The following R3HDM2 variants were observed in gnomAD, a reference collection of about 807,000 sequenced individuals.
R3HDM2 encodes the protein R3H domain-containing protein 2.
A neutral mutation model predicts 124.5 loss-of-function variants in R3HDM2; 38 were observed. The observed-to-expected ratio is 0.31, with a 90% CI of 0.24 to 0.40. R3HDM2 has a LOEUF of 0.40. Among genes scored for constraint, R3HDM2 ranks in the 10% least tolerant of loss-of-function variants. The pLI is 1.00. For synonymous variants in R3HDM2, 391 were observed against 448.0 expected (o/e 0.87, Z 1.61); for missense variants, 869 against 1,236.9 (o/e 0.70, Z 4.46).
At chr12:57,338,822 GGAGAGA>G (rs143852540) in intron 2 of R3HDM2, among the ~76,000 whole-genome samples, 3 of 149,332 alleles carry the variant, frequency 2.0e-5, no homozygotes, top group Non-Finnish European at 3.0e-5. Context: ...TTTTTCAAAG[GGAGAGA>G]GAGAGAGAGA....
At chr12:57,361,006 G>A (rs1479603971) in intron 2 of R3HDM2, among the ~76,000 whole-genome samples, 1 of 122,042 alleles carries the variant, frequency 8.2e-6, no homozygotes, top group Non-Finnish European at 1.6e-5. Context: ...GAGCGGAGAT[G>A]CACCACTGCC....
At chr12:57,297,582 C>A (rs2050159120) in intron 7 of R3HDM2, among the ~76,000 whole-genome samples, 195 bp from the exon 8 acceptor site, 1 of 152,100 alleles carries the variant, frequency 6.6e-6, no homozygotes, top group South Asian at 2.1e-4. Flanking sequence ...GAAAAACAAC[C>A]CGAGTATACA....
chr12:57,424,028 C>T (rs1286989986), intron 1 of R3HDM2, among the ~76,000 whole-genome samples: 6 of 134,428 alleles, frequency 4.5e-5, no homozygotes, highest in Admixed American at 8.1e-5. Context: ...GCAGGAGAAT[C>T]GCTTGGACCC....
At chr12:57,321,438 G>T (rs1215450859) in intron 2 of R3HDM2, among the ~76,000 whole-genome samples, 1 of 152,026 alleles carries the variant, frequency 6.6e-6, no homozygotes, top group Admixed American at 6.6e-5. Flanking sequence ...ATCACCTGAC[G>T]TCAGGAGTTC....
At chr12:57,260,263 C>CAAAATAAAAAAAAAAAA (rs2040368651) in intron 19 of R3HDM2, among the ~76,000 whole-genome samples, 1 of 31,562 alleles carries the variant, frequency 3.2e-5, no homozygotes, top group Non-Finnish European at 5.3e-5. Context: ...GACCCTGCCT[C>CAAAATAAAAAAAAAAAA]AAAAAAAAAA....
In R3HDM2 at chr12:57,258,036, G is replaced by A; in HGVS notation, c.2403C>T (p.Pro801=). The A allele has an allele frequency of 6.3e-7, 1 of 1,594,016 alleles. No homozygotes were observed. The highest frequency in any genetic ancestry group is 1.1e-5 in the South Asian group (1 of 88,378). The part of the protein sequence containing the change: ...SLSSVCTGLS[P]LPVLTQFPRP... ...GGGGGAACTGTGTGAGGACAGGCAG[G>A]GGACTGAGTCCTGTGCAGACACTGC... Residue 801 remains proline, a synonymous_variant, in exon 21 of 24, where the codon CCC becomes CCT. Coordinates refer to ENST00000402412, the MANE Select transcript of R3HDM2 (RefSeq NM_001394031.1).
At chr12:57,280,291 A>C in intron 14 of R3HDM2, 67 bp downstream of exon 14, 1 of 1,499,504 alleles carries the variant, frequency 6.7e-7, no homozygotes, top group Non-Finnish European at 9.0e-7. Context: ...CACAAGAGAC[A>C]TGACGGTACA....
At chr12:57,297,545 T>C (rs1247308925) in intron 7 of R3HDM2, among the ~76,000 whole-genome samples, 158 bp from the exon 8 acceptor site, 1 of 152,184 alleles carries the variant, frequency 6.6e-6, no homozygotes, top group African/African-American at 2.4e-5. Flanking sequence ...TAAGCCTCAC[T>C]TGCCTGTTTT....
chr12:57,305,655 C>T (rs747839991), intron 3 of R3HDM2: 22 of 398,878 alleles, frequency 5.5e-5, no homozygotes, highest in Non-Finnish European at 8.4e-5. Context: ...CAAAAAGGAA[C>T]TCATAATCCT....
rs188372882 is a variant in R3HDM2 at position 57,398,540 on chromosome 12, G to A, written c.-105-2722C>T. On this transcript the variant is annotated intron_variant, in intron 1 of 23. Coordinates refer to ENST00000402412, the MANE Select transcript of R3HDM2 (RefSeq NM_001394031.1). ...GTCTTACTCCGTCACACAGGCTGGA[G>A]TGCAGTGGCGTGATCTCGGCTCACT... Among the ~76,000 whole-genome samples, 731 of 151,500 alleles carry A rather than the reference G, an allele frequency of 4.8e-3. 3 individuals are homozygous for A. Among genetic ancestry groups the A allele is most frequent in the African/African-American group, 0.016 (644 of 41,218 alleles).
At chr12:57,386,789 C>A (rs2065901188) in intron 2 of R3HDM2, among the ~76,000 whole-genome samples, 1 of 152,188 alleles carries the variant, frequency 6.6e-6, no homozygotes, top group South Asian at 2.1e-4. Flanking sequence ...GTAAATACAC[C>A]AATCAGCACT....
chr12:57,270,977 T>G (rs1280459724), intron 14 of R3HDM2, among the ~76,000 whole-genome samples: 1 of 152,192 alleles, frequency 6.6e-6, no homozygotes, highest in Non-Finnish European at 1.5e-5. Flanking sequence ...TTAAAGAGTC[T>G]TTCCATTTCC....
chr12:57,276,140 C>T (rs2044666061), intron 14 of R3HDM2, among the ~76,000 whole-genome samples: 1 of 151,194 alleles, frequency 6.6e-6, no homozygotes, highest in African/African-American at 2.4e-5. Flanking sequence ...TGGCATGAAC[C>T]CGGAGCTTGC....
intron 2 of R3HDM2, among the ~76,000 whole-genome samples, chr12:57,324,719 T>C (rs137984898): frequency 7.2e-5 from 11 of 152,284 alleles, no homozygotes; most frequent in South Asian, 6.2e-4. Flanking sequence ...CTAATCTCCA[T>C]TGTAGCTAAA....
At chr12:57,268,606 G>T in intron 17 of R3HDM2, 149 bp from the exon 18 acceptor site, 1 of 858,314 alleles carries the variant, frequency 1.2e-6, no homozygotes, top group Non-Finnish European at 1.8e-6. Context: ...TAAAGAAAAT[G>T]TTTCCAGAGC....
At chr12:57,391,434 G>A (rs1594373064) in intron 2 of R3HDM2, among the ~76,000 whole-genome samples, 2 of 152,168 alleles carry the variant, frequency 1.3e-5, no homozygotes, top group Admixed American at 6.5e-5. Context: ...TGGTTTCCAG[G>A]GAATGGGATG....
At chr12:57,370,700 T>C (rs1012234431) in intron 2 of R3HDM2, among the ~76,000 whole-genome samples, 4 of 152,076 alleles carry the variant, frequency 2.6e-5, no homozygotes, top group Non-Finnish European at 5.9e-5. Context: ...TCTCAGGTAG[T>C]ATGTTTATAG....
At chr12:57,418,334 G>C in intron 1 of R3HDM2, 27 of 985,304 alleles carry the variant, frequency 2.7e-5, no homozygotes, top group Non-Finnish European at 3.3e-5. Flanking sequence ...TAGTTAACGG[G>C]GCAAGGCCTC....
intron 2 of R3HDM2, among the ~76,000 whole-genome samples, chr12:57,354,513 C>G (rs887557676): frequency 6.6e-6 from 1 of 151,468 alleles, no homozygotes; most frequent in Non-Finnish European, 1.5e-5. Flanking sequence ...AGGCTGATCT[C>G]GAACTCCTGG....
Sources: allele counts gnomAD v4.1 joint callset (sites outside exome capture counted in the v4.1 genomes callset), GRCh38; gene constraint gnomAD v4.1.1; transcripts MANE v1.5; gene names NCBI Gene and HGNC (gene_info 2026-07-23, HGNC 2026-07-21).